DAB2IP: variants seen among roughly 807,000 people sequenced by gnomAD.
DAB2IP encodes DAB2 interacting protein.
In DAB2IP, 28 loss-of-function variants were observed where a neutral mutation model predicts 107.2. The observed-to-expected ratio is 0.26, with a 90% CI of 0.19 to 0.36. The LOEUF (loss-of-function observed/expected upper bound fraction) is 0.36, where lower values mean the gene tolerates loss of function less well. Among genes scored for constraint, DAB2IP ranks in the 10% least tolerant of loss-of-function variants. The pLI, the probability that DAB2IP is intolerant of heterozygous loss-of-function variation, is 1.00. For missense variants in DAB2IP, 1,400 were observed against 1,644.7 expected (o/e 0.85, Z 2.57); for synonymous variants, 755 against 706.4 (o/e 1.07, Z -1.09).
intron 2 of DAB2IP, 25 bp downstream of exon 2, chr9:121,678,806 C>T: frequency 6.5e-7 from 1 of 1,539,836 alleles, no homozygotes; most frequent in Non-Finnish European, 8.8e-7. Flanking sequence ...GTCACCAACA[C>T]CGCCACTGCC....
chr9:121,576,303 C>A (rs1830055726), intron 1 of DAB2IP: 1 of 152,388 alleles, frequency 6.6e-6, no homozygotes, highest in Admixed American at 6.5e-5. Flanking sequence ...AGCCACACCC[C>A]ACTTTCTTGC....
intron 3 of DAB2IP, among the ~76,000 whole-genome samples, chr9:121,704,364 T>C (rs1329408830): frequency 6.6e-6 from 1 of 152,224 alleles, no homozygotes; most frequent in East Asian, 1.9e-4. Flanking sequence ...CTTTATCGTT[T>C]GGATAGGCAG....
chr9:121,742,170 A>G (rs1413499871), intron 3 of DAB2IP, among the ~76,000 whole-genome samples: 1 of 152,116 alleles, frequency 6.6e-6, no homozygotes, highest in African/African-American at 2.4e-5. Flanking sequence ...GCTCATGCCT[A>G]TAATCCCAGC....
intron 1 of DAB2IP, among the ~76,000 whole-genome samples, chr9:121,670,968 T>A (rs1833656371): frequency 6.6e-6 from 1 of 151,886 alleles, no homozygotes; most frequent in African/African-American, 2.4e-5. Flanking sequence ...CTGGCCAACA[T>A]GGTGAAACCC....
At chr9:121,597,353 A>C (rs1300349968) in intron 1 of DAB2IP, among the ~76,000 whole-genome samples, 1 of 152,176 alleles carries the variant, frequency 6.6e-6, no homozygotes, top group Non-Finnish European at 1.5e-5. Flanking sequence ...CTCTAGCACC[A>C]TTTATAGAAA....
At chr9:121,733,177 G>A (rs117822461) in intron 3 of DAB2IP, among the ~76,000 whole-genome samples, 2,206 of 152,300 alleles carry the variant, frequency 0.014, 47 homozygotes, top group Non-Finnish European at 0.022. Flanking sequence ...CAGGGCATCC[G>A]TCTCTGGCCC....
chr9:121,713,217 G>A (rs935039976), intron 3 of DAB2IP, among the ~76,000 whole-genome samples: 9 of 152,150 alleles, frequency 5.9e-5, no homozygotes, highest in East Asian at 1.9e-4. Flanking sequence ...TTAAACCCAC[G>A]TCTGCCAGCT....
chr9:121,735,328 A>G (rs950985658), intron 3 of DAB2IP, among the ~76,000 whole-genome samples: 5 of 152,062 alleles, frequency 3.3e-5, no homozygotes, highest in Admixed American at 3.3e-4. Context: ...TGAGTCAGGG[A>G]CTTTCCAGGT....
At chr9:121,644,959 C>A (rs1348404467) in intron 1 of DAB2IP, among the ~76,000 whole-genome samples, 1 of 152,222 alleles carries the variant, frequency 6.6e-6, no homozygotes, top group African/African-American at 2.4e-5. Flanking sequence ...CCAGTGCCAG[C>A]CATGAAATGG....
chr9:121,747,354 T>C (rs1225917009), intron 3 of DAB2IP, among the ~76,000 whole-genome samples: 2 of 150,628 alleles, frequency 1.3e-5, no homozygotes, highest in Non-Finnish European at 3.0e-5. Flanking sequence ...TTTTTTTTTT[T>C]TTTTTTCCCC....
At chr9:121,696,471 C>T (rs943179100) in intron 2 of DAB2IP, among the ~76,000 whole-genome samples, 2 of 152,246 alleles carry the variant, frequency 1.3e-5, no homozygotes, top group South Asian at 2.1e-4. Flanking sequence ...GGGGCTGTAG[C>T]TGCCTCCAGA....
At chr9:121,680,158 G>A (rs560052835) in intron 2 of DAB2IP, among the ~76,000 whole-genome samples, 1 of 152,306 alleles carries the variant, frequency 6.6e-6, no homozygotes, top group South Asian at 2.1e-4. Flanking sequence ...GGGATCTGGA[G>A]GACAGTGTAG....
chr9:121,621,984 C>CTTTTTTT (rs1202929145), intron 1 of DAB2IP, among the ~76,000 whole-genome samples: 7 of 99,694 alleles, frequency 7.0e-5, no homozygotes, highest in African/African-American at 1.3e-4. Context: ...TTTTTTCTTT[C>CTTTTTTT]TTTTTTTTTT....
chr9:121,588,268 G>A (rs2118921662), intron 1 of DAB2IP, among the ~76,000 whole-genome samples: 1 of 152,172 alleles, frequency 6.6e-6, no homozygotes, highest in South Asian at 2.1e-4. Context: ...GTCTCAAGAA[G>A]AGCCGGCCTC....
Position 121,759,876 on chromosome 9 carries a change from C to A in DAB2IP, c.616-9C>A. On this transcript the variant is annotated splice_polypyrimidine_tract_variant and intron_variant, in intron 5 of 15. Coordinates refer to ENST00000408936, the Ensembl canonical transcript of DAB2IP. Reference sequence around the variant, plus strand: ...CAGCTGACCACCCTGGACCCCCGTGCACATACAGGACAACAGCCGGCGTGT... The same window carrying A: ...CAGCTGACCACCCTGGACCCCCGTGAACATACAGGACAACAGCCGGCGTGT... 3 of 1,608,580 alleles carry A rather than the reference C, an allele frequency of 1.9e-6. No homozygotes were observed. Among genetic ancestry groups the A allele is most frequent in the Non-Finnish European group, 2.5e-6 (3 of 1,176,550 alleles).
chr9:121,759,265 T>A (rs1161177257), intron 5 of DAB2IP, among the ~76,000 whole-genome samples: 1 of 152,188 alleles, frequency 6.6e-6, no homozygotes, highest in Middle Eastern at 3.2e-3. Flanking sequence ...GTCCTTCTGC[T>A]GGGACCCCTT....
At position 121,651,638 on chromosome 9, in the gene DAB2IP, T is replaced by G; in HGVS notation, c.-138T>G. 9.5e-7 allele frequency: 1 copy of G among 1,058,026 alleles called. No individual in the cohort carries two copies. Among genetic ancestry groups the G allele is most frequent in the Non-Finnish European group, 1.1e-6 (1 of 877,758 alleles). The allele number at this position is 1,058,026 out of a possible 1,614,324, so 65.5% of individuals were successfully genotyped here. ...AGGCGGAGGAGGAGTTTGAGCGACTTTGTGGGGCAGCCAGGGCCTCGGCGG... is the reference window on the plus strand; with the variant it reads ...AGGCGGAGGAGGAGTTTGAGCGACTGTGTGGGGCAGCCAGGGCCTCGGCGG... On this transcript the variant is annotated 5_prime_UTR_variant, in exon 1 of 16. Coordinates refer to ENST00000408936, the Ensembl canonical transcript of DAB2IP. This position sits in a 1 kb window ranked among gnomAD's most constrained non-coding sequence, Gnocchi z 5.1.
At chr9:121,749,236 T>C (rs1832931984) in intron 3 of DAB2IP, among the ~76,000 whole-genome samples, 1 of 152,220 alleles carries the variant, frequency 6.6e-6, no homozygotes, top group Admixed American at 6.5e-5. Flanking sequence ...AGAGCTCTGC[T>C]GGACATACTA....
At chr9:121,616,462 CA>C (rs1340100685) in intron 1 of DAB2IP, among the ~76,000 whole-genome samples, 2 of 152,174 alleles carry the variant, frequency 1.3e-5, no homozygotes, top group African/African-American at 4.8e-5. Flanking sequence ...GGTGCAGAGG[CA>C]GGGGGATACC....
Sources: gnomAD v4.1 joint callset for allele counts (sites outside exome capture counted in the v4.1 genomes callset) on GRCh38, gnomAD v4.1.1 for gene constraint, Gnocchi (gnomAD v3.1) non-coding constraint, MANE v1.5 for transcripts, NCBI Gene and HGNC (gene_info 2026-07-23, HGNC 2026-07-21) for gene names.